LPIN3: variants seen among roughly 807,000 people sequenced by gnomAD.
LPIN3 encodes phosphatidate phosphatase LPIN3.
In LPIN3, 82 loss-of-function variants were observed where a neutral mutation model predicts 94.7. The observed-to-expected ratio is 0.87, with a 90% CI of 0.72 to 1.04. The LOEUF is 1.04. Ranked by LOEUF, LPIN3 falls within the 50% of genes least tolerant of loss-of-function variation. LPIN3 has a pLI of 0.00. For missense variants in LPIN3, 996 were observed against 1,090.5 expected (o/e 0.91, Z 1.22); for synonymous variants, 418 against 443.3 (o/e 0.94, Z 0.72).
In LPIN3 at chr20:41,343,276, C is replaced by G. The variant is rs188008768; in HGVS notation, c.-9+2274C>G. 1.5e-3 allele frequency among the ~76,000 whole-genome samples: 225 copies of G among 152,352 alleles called. 1 individual carries two copies. Among genetic ancestry groups the G allele is most frequent in the Admixed American group, 0.011 (165 of 15,312 alleles). On this transcript the variant is annotated intron_variant, in intron 1 of 19. Coordinates refer to ENST00000373257, the MANE Select transcript of LPIN3 (RefSeq NM_022896.3). ...TTGCCCCAACCCCGGCTCTGCCCCT[C>G]CCCATGCTTGCTCCTTAATTCCTGG... is the stretch of plus-strand genomic sequence containing the variant.
Position 41,349,106 on chromosome 20 carries a change from A to G in LPIN3, c.572A>G (p.Glu191Gly), listed in dbSNP as rs2045901975. Reference protein sequence around the residue: ...RPEPPGVQLEEKSSLQPKDIY... With the variant: ...RPEPPGVQLEGKSSLQPKDIY... ...CCCCTTAGCAGTGTCCAGTTGGAAG[A>G]GAAGTCTTCACTGCAGCCCAAAGAC... is the stretch of plus-strand genomic sequence containing the variant. Residue 191 changes from glutamate (E) to glycine (G), a missense_variant, in exon 5 of 20, where the codon GAG (glutamate) becomes GGG (glycine). By Grantham distance (98) the Glu-to-Gly change is moderately conservative. Coordinates refer to ENST00000373257, the MANE Select transcript of LPIN3 (RefSeq NM_022896.3). 1 of 1,614,216 alleles carries G rather than the reference A, an allele frequency of 6.2e-7. No homozygotes were observed. The highest frequency in any genetic ancestry group is 1.3e-5 in the African/African-American group (1 of 75,062).
chr20:41,348,009 G>A (rs2045848173), intron 3 of LPIN3, among the ~76,000 whole-genome samples: 1 of 152,182 alleles, frequency 6.6e-6, no homozygotes, highest in African/African-American at 2.4e-5. Context: ...GGCTTGTCCT[G>A]GGTCTGGTGC....
At chr20:41,341,988 T>C (rs2045598346) in intron 1 of LPIN3, among the ~76,000 whole-genome samples, 1 of 151,894 alleles carries the variant, frequency 6.6e-6, no homozygotes, top group Admixed American at 6.6e-5. Flanking sequence ...AAAAAATAAA[T>C]AAATAAAAGA....
rs1193005956 is a variant in LPIN3, at chr20:41,357,037, C to T, written c.1804-3C>T. On this transcript the variant is annotated splice_polypyrimidine_tract_variant and splice_region_variant and intron_variant, in intron 14 of 19. Transcript: ENST00000373257. ...CGACACACCCCCCTTTGTCTGGCCT[C>T]AGCGGCGCCTGAACCTGCAAGAAGG... is the stretch of plus-strand genomic sequence containing the variant. 4 of 1,611,034 alleles carry T rather than the reference C, an allele frequency of 2.5e-6. No homozygotes were observed. The Admixed American group carries it at 5.0e-5, about 20-fold the overall frequency.
At position 41,349,848 on chromosome 20, in the gene LPIN3, T is replaced by C. The variant is rs893919782; in HGVS notation, c.713T>C (p.Leu238Pro). The change falls in exon 6 of 20, where the codon CTA (leucine) becomes CCA (proline). Residue 238 changes from leucine to proline, a missense_variant. By Grantham distance (98) the Leu-to-Pro change is moderately conservative. Transcript: ENST00000373257. ...LEVRTPEPSP[L>P]RAESHMQWAW... ...GTGCGGACCCCGGAGCCCAGTCCCC[T>C]AAGAGCCGAGTCCCACATGCAGTGG... The C allele has an allele frequency of 6.2e-7, 1 of 1,613,520 alleles. No individual in the cohort carries two copies. Among genetic ancestry groups the C allele is most frequent in the South Asian group, 1.1e-5 (1 of 91,066 alleles).
In LPIN3 at chr20:41,347,592, T is replaced by A. The variant is rs779529691; in HGVS notation, c.233T>A (p.Met78Lys). The change falls in exon 3 of 20, where the codon ATG (methionine) becomes AAG (lysine). Residue 78 changes from methionine to lysine, a missense_variant. Coordinates refer to ENST00000373257, the MANE Select transcript of LPIN3 (RefSeq NM_022896.3). Reference protein sequence around the residue: ...ELNGEPVDLHMKLGDSGEAFF... With the variant: ...ELNGEPVDLHKKLGDSGEAFF... ...AATGGGGAGCCTGTGGACTTGCACA[T>A]GAAGCTTGGGGACAGCGGGGAGGCC... The A allele has an allele frequency of 6.2e-7, 1 of 1,614,056 alleles. No homozygotes were observed. Among genetic ancestry groups the A allele is most frequent in the East Asian group, 2.2e-5 (1 of 44,898 alleles).
In LPIN3 at chr20:41,354,733, A is replaced by G. The variant is rs1179956128; in HGVS notation, c.1616A>G (p.Glu539Gly). Residue 539 changes from glutamate to glycine, a missense_variant, in exon 12 of 20, where the codon GAG becomes GGG. By Grantham distance (98) the Glu-to-Gly change is moderately conservative. Transcript: ENST00000373257. Reference sequence around the variant, plus strand: ...TGGCGACGCAGGGACTTCCTGGCCGAGGAGGTGGGTGGTCACAGTCGAGGG... The same window carrying G: ...TGGCGACGCAGGGACTTCCTGGCCGGGGAGGTGGGTGGTCACAGTCGAGGG... ...FSWRRRDFLA[E>G]ERSAQKEKTA... The G allele has an allele frequency of 6.2e-7, 1 of 1,607,662 alleles. No individual in the cohort carries two copies. Among genetic ancestry groups the G allele is most frequent in the Non-Finnish European group, 8.5e-7 (1 of 1,176,154 alleles).
At position 41,358,737 on chromosome 20, in the gene LPIN3, T is replaced by G; in HGVS notation, c.2427T>G (p.Gly809=). ...CTGCCTGTAGGTATGAGCGGCTTGGTGAAGTGGTCGAGCTCCTCTTCCCAC... is the reference window on the plus strand; with the variant it reads ...CTGCCTGTAGGTATGAGCGGCTTGGGGAAGTGGTCGAGCTCCTCTTCCCAC... ...KNHKSTYERL[G]EVVELLFPPV... Residue 809 remains glycine (G), a synonymous_variant, in exon 20 of 20, where the codon GGT becomes GGG. Coordinates refer to ENST00000373257, the MANE Select transcript of LPIN3 (RefSeq NM_022896.3). The G allele has an allele frequency of 6.2e-7, 1 of 1,613,948 alleles. No individual in the cohort carries two copies. The highest frequency in any genetic ancestry group is 1.1e-5 in the South Asian group (1 of 91,048).
chr20:41,349,950 A>G (rs2045942710), intron 6 of LPIN3, 56 bp downstream of exon 6: 4 of 1,581,636 alleles, frequency 2.5e-6, no homozygotes, highest in Admixed American at 3.5e-5. Flanking sequence ...TGTGGCCCCC[A>G]TGGGTCAGGG....
In LPIN3 at chr20:41,358,428, G is replaced by A; in HGVS notation, c.2308-11G>A. 1.2e-6 allele frequency: 2 copies of A among 1,614,000 alleles called. No individual in the cohort carries two copies. Among genetic ancestry groups the A allele is most frequent in the Non-Finnish European group, 1.7e-6 (2 of 1,179,960 alleles). ...GGCCTCCATTCCATGGGCCCCTCCT[G>A]TCTCCCACAGGATGTCTTTGCCTAC... On this transcript the variant is annotated splice_polypyrimidine_tract_variant and intron_variant, in intron 18 of 19. Coordinates refer to ENST00000373257, the MANE Select transcript of LPIN3 (RefSeq NM_022896.3).
chr20:41,346,695 T>A (rs1341153174), intron 2 of LPIN3, among the ~76,000 whole-genome samples: 1 of 152,160 alleles, frequency 6.6e-6, no homozygotes, highest in African/African-American at 2.4e-5. Flanking sequence ...GAGCCAAGAT[T>A]GTGCCATTGC....
At chr20:41,343,279 C>T (rs1054502676) in intron 1 of LPIN3, among the ~76,000 whole-genome samples, 2 of 152,238 alleles carry the variant, frequency 1.3e-5, no homozygotes, top group African/African-American at 4.8e-5. Context: ...TGCCCCTCCC[C>T]ATGCTTGCTC....
At chr20:41,352,242 C>A (rs369728002) in intron 9 of LPIN3, 22 bp downstream of exon 9, 344 of 1,613,078 alleles carry the variant, frequency 2.1e-4, no homozygotes, top group Non-Finnish European at 2.7e-4. Context: ...CATGGCCAAG[C>A]CCTTTTGAGG....
intron 7 of LPIN3, among the ~76,000 whole-genome samples, chr20:41,351,091 A>T (rs56081696): frequency 0.25 from 36,321 of 142,842 alleles, 4,535 homozygotes; most frequent in East Asian, 0.38. Flanking sequence ...AAAAAAAAAA[A>T]TTTTTTTTTT....
rs141578154 is a variant in LPIN3, at chr20:41,349,812, C to A, written c.677C>A (p.Ser226Ter). The A allele has an allele frequency of 1.2e-6, 2 of 1,613,690 alleles. No individual in the cohort carries two copies. The highest frequency in any genetic ancestry group is 1.7e-6 in the Non-Finnish European group (2 of 1,180,022). The stretch of plus-strand genomic sequence containing the variant: ...GAGCTAACATCCCCTAAGAGCGACT[C>A]GGAGCTGGAGGTGCGGACCCCGGAG... Reference protein sequence around the residue: ...AGELTSPKSDSELEVRTPEPS... With the variant: ...AGELTSPKSD Residue 226 changes from serine (S) to a stop codon, truncating the protein, a stop_gained, in exon 6 of 20, where the codon TCG becomes TAG. Transcript: ENST00000373257. LOFTEE classifies it high-confidence loss of function.
chr20:41,351,415 G>A (rs1290680385), intron 7 of LPIN3, among the ~76,000 whole-genome samples: 1 of 150,462 alleles, frequency 6.6e-6, no homozygotes, highest in Non-Finnish European at 1.5e-5. Flanking sequence ...TCCTTCCTCA[G>A]CCTCCTGAGT....
intron 16 of LPIN3, among the ~76,000 whole-genome samples, 155 bp downstream of exon 16, chr20:41,357,602 C>G (rs923670741): frequency 1.3e-5 from 2 of 152,224 alleles, no homozygotes; most frequent in Non-Finnish European, 2.9e-5. Context: ...GCCCGCAGTT[C>G]TGGGAAAGGC....
chr20:41,349,272 G>A (rs955637919), intron 5 of LPIN3, 100 bp downstream of exon 5: 2 of 963,032 alleles, frequency 2.1e-6, no homozygotes, highest in South Asian at 1.7e-5. Context: ...CCCATTTAAT[G>A]TGTTTACTAG....
intron 5 of LPIN3, 55 bp downstream of exon 5, chr20:41,349,227 C>T: frequency 6.6e-7 from 1 of 1,509,096 alleles, no homozygotes; most frequent in East Asian, 2.3e-5. Context: ...CTGAGGTTTC[C>T]ATTTGCATTT....
Sources: allele counts gnomAD v4.1 joint callset (sites outside exome capture counted in the v4.1 genomes callset), GRCh38; gene constraint gnomAD v4.1.1; transcripts MANE v1.5; gene names NCBI Gene and HGNC (gene_info 2026-07-23, HGNC 2026-07-21).